PROM1: variants seen among roughly 807,000 people sequenced by gnomAD.
PROM1 encodes the protein prominin-1.
In PROM1, 105 loss-of-function variants were observed where a neutral mutation model predicts 116.9. That is an observed-to-expected ratio of 0.90 (90% confidence interval 0.77 to 1.06). The LOEUF (loss-of-function observed/expected upper bound fraction) is 1.06, where lower values mean the gene tolerates loss of function less well. Among genes scored for constraint, PROM1 ranks in the 50% least tolerant of loss-of-function variants. The pLI, the probability that PROM1 is intolerant of heterozygous loss-of-function variation, is 0.00. For missense variants in PROM1, 1,122 were observed against 1,045.2 expected (o/e 1.07, Z -1.01); for synonymous variants, 393 against 387.0 (o/e 1.02, Z -0.18).
In PROM1 at chr4:15,992,236, C is replaced by T. The variant is rs373794909; in HGVS notation, c.1911+12G>A. ...TCTCCTAAAGGATCAAGCATGAACA[C>T]ATGCGCCATACCTGAGCCAAGTAGC... On this transcript the variant is annotated intron_variant, in intron 17 of 27. Coordinates refer to ENST00000447510, the MANE Select transcript of PROM1 (RefSeq NM_006017.3). 6 of 1,613,208 alleles carry T rather than the reference C, an allele frequency of 3.7e-6. No homozygotes were observed. The highest frequency in any genetic ancestry group is 1.3e-5 in the African/African-American group (1 of 74,894).
chr4:15,984,705 G>C (rs1317597702), intron 22 of PROM1, among the ~76,000 whole-genome samples: 1 of 152,210 alleles, frequency 6.6e-6, no homozygotes, highest in African/African-American at 2.4e-5. Flanking sequence ...AACTGCACAT[G>C]CGAGGAATCT....
chr4:16,038,763 C>A (rs1734511052), intron 3 of PROM1, among the ~76,000 whole-genome samples, 183 bp downstream of exon 3: 2 of 152,162 alleles, frequency 1.3e-5, no homozygotes. Flanking sequence ...CGCTTTTGAA[C>A]TTTCTGCTAT....
At chr4:16,040,106 T>TG (rs886760963) in intron 2 of PROM1, among the ~76,000 whole-genome samples, 8 of 152,038 alleles carry the variant, frequency 5.3e-5, no homozygotes, top group East Asian at 1.9e-4. Context: ...AATGTACTAA[T>TG]GGGGGGGCAA....
chr4:16,033,734 G>A (rs146387636), intron 4 of PROM1, among the ~76,000 whole-genome samples: 1 of 151,774 alleles, frequency 6.6e-6, no homozygotes, highest in African/African-American at 2.4e-5. Flanking sequence ...ATTTTTAGTA[G>A]AGACAGGGTT....
chr4:15,979,476 TAAATACACC>T lies in PROM1; in HGVS notation c.2514-22_2514-14del. On this transcript the variant is annotated splice_polypyrimidine_tract_variant and intron_variant, in intron 25 of 27. Coordinates refer to ENST00000447510, the MANE Select transcript of PROM1 (RefSeq NM_006017.3). ...ACCATTTTCCATACTGTAACAGAAA[TAAATACACC>T]AAAAACACCATGTTATCTCTAAGAT... 2 of 1,602,164 alleles carry T rather than the reference TAAATACACC, an allele frequency of 1.2e-6. No individual in the cohort carries two copies. Among genetic ancestry groups the T allele is most frequent in the Non-Finnish European group, 1.7e-6 (2 of 1,173,578 alleles).
intron 4 of PROM1, 99 bp downstream of exon 4, chr4:16,035,636 A>C (rs770426055): frequency 2.5e-6 from 3 of 1,196,498 alleles, no homozygotes; most frequent in Non-Finnish European, 3.7e-6. Context: ...GTAAAAACAG[A>C]AATGAAACGG....
At chr4:15,978,965 C>G (rs1716956502) in intron 26 of PROM1, among the ~76,000 whole-genome samples, 1 of 147,412 alleles carries the variant, frequency 6.8e-6, no homozygotes, top group Admixed American at 6.9e-5. Context: ...TGGTTGGTTA[C>G]AGTTAATTTA....
intron 23 of PROM1, among the ~76,000 whole-genome samples, chr4:15,981,711 TC>T (rs1718017940): frequency 1.3e-5 from 2 of 152,174 alleles, no homozygotes; most frequent in African/African-American, 4.8e-5. Context: ...CATGCTAGGG[TC>T]TCAATCAATG....
At chr4:15,975,649 G>C (rs538117407) in intron 26 of PROM1, among the ~76,000 whole-genome samples, 12 of 152,334 alleles carry the variant, frequency 7.9e-5, no homozygotes, top group African/African-American at 2.9e-4. Flanking sequence ...GGGACCTCTA[G>C]GAGGGTCTGG....
At chr4:15,986,581 C>T (rs1477345665) in intron 20 of PROM1, among the ~76,000 whole-genome samples, 2 of 152,164 alleles carry the variant, frequency 1.3e-5, no homozygotes. Context: ...TTTCTGCCCT[C>T]GACTAACCCC....
intron 5 of PROM1, among the ~76,000 whole-genome samples, chr4:16,031,970 GGTACATAA>G (rs1477149673): frequency 6.6e-6 from 1 of 151,582 alleles, no homozygotes; most frequent in Non-Finnish European, 1.5e-5. Context: ...ACCCGAGCCT[GGTACATAA>G]TCAAAAGAGA....
intron 2 of PROM1, among the ~76,000 whole-genome samples, chr4:16,068,322 T>C (rs768130120): frequency 1.4e-4 from 22 of 152,226 alleles, no homozygotes; most frequent in Admixed American, 2.6e-4. Flanking sequence ...AAGTTCCACG[T>C]TACCAAATGG....
chr4:16,005,209 T>G (rs543160599), intron 13 of PROM1, among the ~76,000 whole-genome samples: 18 of 152,198 alleles, frequency 1.2e-4, no homozygotes, highest in African/African-American at 4.3e-4. Flanking sequence ...GTGATCTGCC[T>G]GTCTCGGCCT....
At chr4:16,040,108 G>A (rs941178300) in intron 2 of PROM1, among the ~76,000 whole-genome samples, 1 of 152,106 alleles carries the variant, frequency 6.6e-6, no homozygotes, top group Admixed American at 6.5e-5. Context: ...TGTACTAATG[G>A]GGGGGCAAAC....
intron 19 of PROM1, among the ~76,000 whole-genome samples, chr4:15,989,530 C>G (rs929519562): frequency 4.6e-5 from 7 of 152,224 alleles, no homozygotes; most frequent in Non-Finnish European, 1.0e-4. Context: ...ACTGTTCACA[C>G]TCAAATGAAA....
chr4:16,056,652 A>T, intron 2 of PROM1, among the ~76,000 whole-genome samples: 1 of 147,036 alleles, frequency 6.8e-6, no homozygotes, highest in Admixed American at 6.8e-5. Flanking sequence ...ACAAGCCATG[A>T]AAAAAAAAAA....
At chr4:16,032,337 C>A (rs182623910) in intron 5 of PROM1, among the ~76,000 whole-genome samples, 31 of 152,308 alleles carry the variant, frequency 2.0e-4, no homozygotes, top group African/African-American at 7.5e-4. Context: ...CTGGTGGCCA[C>A]ACTTAAAGGC....
chr4:15,977,959 A>G (rs1010041648), intron 26 of PROM1, among the ~76,000 whole-genome samples: 1 of 152,192 alleles, frequency 6.6e-6, no homozygotes, highest in African/African-American at 2.4e-5. Context: ...GTGCACTCTT[A>G]AAATTCATAC....
intron 1 of PROM1, among the ~76,000 whole-genome samples, chr4:16,078,718 T>A (rs1213814599): frequency 6.6e-6 from 1 of 152,190 alleles, no homozygotes; most frequent in Non-Finnish European, 1.5e-5. Flanking sequence ...GTGACATACT[T>A]TGCAAGAAGC....
Sources: gnomAD v4.1 joint callset for allele counts (sites outside exome capture counted in the v4.1 genomes callset) on GRCh38, gnomAD v4.1.1 for gene constraint, MANE v1.5 for transcripts, NCBI Gene and HGNC (gene_info 2026-07-23, HGNC 2026-07-21) for gene names.